Variants in SUSD6 observed in about 807,000 individuals in gnomAD.
SUSD6 encodes the protein sushi domain containing 6.
Under a neutral mutation model 28.4 loss-of-function variants are expected in SUSD6, and 16 were observed. That is an observed-to-expected ratio of 0.56 (90% CI 0.38 to 0.86). The LOEUF (loss-of-function observed/expected upper bound fraction) is 0.86, where lower values mean the gene tolerates loss of function less well. Among genes scored for constraint, SUSD6 ranks in the 40% least tolerant of loss-of-function variants. The pLI, the probability that SUSD6 is intolerant of heterozygous loss-of-function variation, is 0.00. For synonymous variants in SUSD6, 147 were observed against 159.6 expected (o/e 0.92, Z 0.59); for missense variants, 341 against 384.2 (o/e 0.89, Z 0.94).
intron 1 of SUSD6, among the ~76,000 whole-genome samples, chr14:69,647,429 G>A (rs1885443651): frequency 6.6e-6 from 1 of 152,106 alleles, no homozygotes; most frequent in Admixed American, 6.5e-5. Flanking sequence ...GTTGTCCATG[G>A]TGCTCATGGG....
At chr14:69,687,395 GC>G (rs747123465) in intron 2 of SUSD6, among the ~76,000 whole-genome samples, 6 of 152,354 alleles carry the variant, frequency 3.9e-5, no homozygotes, top group Non-Finnish European at 7.3e-5. Context: ...ACAGGCGTGA[GC>G]CACTGTGCCC....
At chr14:69,707,987 G>A (rs1184461229) in intron 4 of SUSD6, among the ~76,000 whole-genome samples, 1 of 152,104 alleles carries the variant, frequency 6.6e-6, no homozygotes, top group African/African-American at 2.4e-5. Context: ...TTTTATACCA[G>A]TGTTACTTTT....
intron 1 of SUSD6, among the ~76,000 whole-genome samples, chr14:69,613,105 A>G (rs2139585904): frequency 6.6e-6 from 1 of 152,334 alleles, no homozygotes; most frequent in South Asian, 2.1e-4. Flanking sequence ...GTATGTCTAC[A>G]TCTCAGGAAA....
At chr14:69,613,153 G>A (rs1884906724) in intron 1 of SUSD6, among the ~76,000 whole-genome samples, 1 of 152,222 alleles carries the variant, frequency 6.6e-6, no homozygotes, top group Non-Finnish European at 1.5e-5. Flanking sequence ...AAAGGTTCTT[G>A]AGGACTTACT....
chr14:69,711,066 C>A lies in SUSD6; in HGVS notation c.*87C>A. On this transcript the variant is annotated 3_prime_UTR_variant, in exon 6 of 6. Transcript: ENST00000342745. ...GGATTGAGCACCCTGTACTCTCCAG[C>A]CACCTTACCTGGATACCTGAGCTGC... The A allele has an allele frequency of 1.5e-6, 2 of 1,352,066 alleles. No homozygotes were observed. The highest frequency in any genetic ancestry group is 2.1e-6 in the Non-Finnish European group (2 of 943,282). 83.8% of individuals were successfully genotyped at this position (1,352,066 alleles called of 1,614,324 possible).
At chr14:69,642,126 A>T (rs1216794418) in intron 1 of SUSD6, among the ~76,000 whole-genome samples, 3 of 152,200 alleles carry the variant, frequency 2.0e-5, no homozygotes, top group Non-Finnish European at 2.9e-5. Context: ...ATTGAAAGCC[A>T]ATCATAGTTC....
intron 2 of SUSD6, among the ~76,000 whole-genome samples, chr14:69,679,414 A>G (rs1403158048): frequency 6.6e-6 from 1 of 152,130 alleles, no homozygotes; most frequent in South Asian, 2.1e-4. Flanking sequence ...TTTTAGTTCT[A>G]TTTTCAAATA....
intron 1 of SUSD6, among the ~76,000 whole-genome samples, chr14:69,628,677 G>A (rs1167900046): frequency 6.6e-6 from 1 of 151,332 alleles, no homozygotes; most frequent in East Asian, 1.9e-4. Flanking sequence ...TACTGTATTG[G>A]AACTAGAACC....
chr14:69,696,175 A>C (rs951313090), intron 2 of SUSD6, among the ~76,000 whole-genome samples: 1 of 152,202 alleles, frequency 6.6e-6, no homozygotes, highest in African/African-American at 2.4e-5. Context: ...TCAGGCTTGC[A>C]GCTTAGAAGC....
intron 4 of SUSD6, 49 bp from the exon 5 acceptor site, chr14:69,708,628 C>T: frequency 7.0e-7 from 1 of 1,423,468 alleles, no homozygotes; most frequent in Admixed American, 2.3e-5. Flanking sequence ...GCCTGTTTCT[C>T]TGTGTGTTTA....
intron 1 of SUSD6, among the ~76,000 whole-genome samples, chr14:69,625,522 T>C (rs1196182601): frequency 3.3e-5 from 5 of 152,170 alleles, no homozygotes; most frequent in Admixed American, 1.3e-4. Flanking sequence ...CGGAGGCTTC[T>C]CGGATGTGCA....
intron 1 of SUSD6, 126 bp from the exon 2 acceptor site, chr14:69,658,387 G>T: frequency 1.7e-6 from 1 of 578,094 alleles, no homozygotes; most frequent in Admixed American, 3.1e-5. Flanking sequence ...CCTGGCAGCA[G>T]GGATTCGAAT....
intron 1 of SUSD6, among the ~76,000 whole-genome samples, chr14:69,646,538 C>G (rs1885428770): frequency 6.6e-6 from 1 of 152,062 alleles, no homozygotes; most frequent in Admixed American, 6.5e-5. Context: ...TACCAGTTAT[C>G]CCTCAGGTAC....
At chr14:69,703,123 G>C (rs1180353227) in intron 2 of SUSD6, among the ~76,000 whole-genome samples, 1 of 152,088 alleles carries the variant, frequency 6.6e-6, no homozygotes, top group African/African-American at 2.4e-5. Context: ...CAAGACTTTA[G>C]AGTCTGCCGT....
chr14:69,612,490 A>G (rs544650837), intron 1 of SUSD6, among the ~76,000 whole-genome samples: 6 of 152,244 alleles, frequency 3.9e-5, no homozygotes, highest in African/African-American at 1.4e-4. Flanking sequence ...GACCCCAGCT[A>G]TGAGTGTGGA....
At chr14:69,626,982 G>A (rs971977036) in intron 1 of SUSD6, among the ~76,000 whole-genome samples, 33 of 152,138 alleles carry the variant, frequency 2.2e-4, no homozygotes, top group African/African-American at 7.7e-4. Context: ...ACTGCAACTG[G>A]CCTGTCCCAC....
intron 2 of SUSD6, among the ~76,000 whole-genome samples, chr14:69,669,420 C>T (rs916027088): frequency 4.6e-5 from 7 of 152,122 alleles, no homozygotes; most frequent in African/African-American, 1.7e-4. Context: ...AGGAAAGGTA[C>T]GCTTTCATTA....
intron 1 of SUSD6, 116 bp from the exon 2 acceptor site, chr14:69,658,397 T>C (rs1885615365): frequency 5.0e-6 from 3 of 598,884 alleles, no homozygotes; most frequent in Admixed American, 3.0e-5. Flanking sequence ...GGGATTCGAA[T>C]AGTTGCTAGA....
intron 1 of SUSD6, among the ~76,000 whole-genome samples, chr14:69,635,135 A>C (rs1342062843): frequency 1.3e-5 from 2 of 152,192 alleles, no homozygotes; most frequent in African/African-American, 2.4e-5. Context: ...TGAGTTGTGG[A>C]CTAGTTCTTT....
Sources: allele counts gnomAD v4.1 joint callset (sites outside exome capture counted in the v4.1 genomes callset), GRCh38; gene constraint gnomAD v4.1.1; transcripts MANE v1.5; gene names NCBI Gene and HGNC (gene_info 2026-07-23, HGNC 2026-07-21).